The following JARID2 variants were observed in gnomAD, a reference collection of about 807,000 sequenced individuals.
JARID2 encodes protein Jumonji.
JARID2 carries 21 observed loss-of-function variants against 125.6 expected under a neutral mutation model. The ratio of observed to expected loss-of-function variants is 0.17; its 90% CI spans 0.12 to 0.24. JARID2 has a LOEUF of 0.24. Ranked by LOEUF, JARID2 falls within the 10% of genes least tolerant of loss-of-function variation. The probability of loss-of-function intolerance (pLI) is 1.00; values close to 1 mark genes in which losing one functional copy is unlikely to be tolerated. For missense variants in JARID2, 1,303 were observed against 1,639.6 expected (o/e 0.79, Z 3.55); for synonymous variants, 736 against 661.6 (o/e 1.11, Z -1.73).
At chr6:15,258,137 C>A (rs1360435590) in intron 1 of JARID2, among the ~76,000 whole-genome samples, 1 of 152,150 alleles carries the variant, frequency 6.6e-6, no homozygotes, top group Non-Finnish European at 1.5e-5. Context: ...TTACGAAGAT[C>A]CCTTTGGGCT....
At chr6:15,272,124 CAAAA>C (rs1209348491) in intron 1 of JARID2, among the ~76,000 whole-genome samples, 1 of 151,912 alleles carries the variant, frequency 6.6e-6, no homozygotes, top group African/African-American at 2.4e-5. Context: ...GACTCTGTCT[CAAAA>C]AAACGAAAAA....
chr6:15,489,191 G>T (rs2127720854), intron 6 of JARID2, among the ~76,000 whole-genome samples: 1 of 152,280 alleles, frequency 6.6e-6, no homozygotes, highest in Non-Finnish European at 1.5e-5. Context: ...GGGTTAAGTT[G>T]TTTTTGTTTA....
intron 1 of JARID2, among the ~76,000 whole-genome samples, chr6:15,335,514 T>C (rs1263328779): frequency 2.0e-5 from 3 of 152,198 alleles, no homozygotes; most frequent in Non-Finnish European, 4.4e-5. Flanking sequence ...TTTGACTGTT[T>C]TAGAAGTTCT....
At chr6:15,300,722 T>TGAGAGAGAGAGAGAGAGAGA (rs57766040) in intron 1 of JARID2, among the ~76,000 whole-genome samples, 32 of 111,198 alleles carry the variant, frequency 2.9e-4, no homozygotes, top group Admixed American at 6.1e-4. Context: ...TGTGTGTGTG[T>TGAGAGAGAGAGAGAGAGAGA]GAGAGAGAGA....
intron 1 of JARID2, among the ~76,000 whole-genome samples, chr6:15,355,998 C>T (rs563883328): frequency 2.0e-5 from 3 of 152,298 alleles, no homozygotes; most frequent in African/African-American, 7.2e-5. Context: ...TCCCAGCAAC[C>T]TCTGGCAGCC....
At chr6:15,401,510 G>C (rs895383178) in intron 2 of JARID2, among the ~76,000 whole-genome samples, 1 of 152,052 alleles carries the variant, frequency 6.6e-6, no homozygotes, top group African/African-American at 2.4e-5. Flanking sequence ...CCATAGCTCT[G>C]GTTTCCTTCA....
intron 6 of JARID2, among the ~76,000 whole-genome samples, chr6:15,494,736 C>T (rs1485381162): frequency 6.6e-6 from 1 of 152,180 alleles, no homozygotes; most frequent in African/African-American, 2.4e-5. Context: ...AAGGGGGGTC[C>T]TGGGCCAGGC....
chr6:15,438,956 C>T (rs1472394483), intron 3 of JARID2, among the ~76,000 whole-genome samples: 3 of 150,498 alleles, frequency 2.0e-5, no homozygotes, highest in Non-Finnish European at 2.9e-5. Flanking sequence ...CGCTTCAACC[C>T]GGAAGGGGGA....
intron 1 of JARID2, among the ~76,000 whole-genome samples, chr6:15,317,915 G>T (rs1762230400): frequency 6.6e-6 from 1 of 152,186 alleles, no homozygotes; most frequent in Non-Finnish European, 1.5e-5. Context: ...TGTGTTTGTT[G>T]CTGGCCAGCA....
At chr6:15,448,695 T>TG (rs1767782552) in intron 3 of JARID2, among the ~76,000 whole-genome samples, 1 of 152,102 alleles carries the variant, frequency 6.6e-6, no homozygotes, top group Non-Finnish European at 1.5e-5. Context: ...GAAAGCCTCA[T>TG]GGGAAAAGCA....
intron 5 of JARID2, among the ~76,000 whole-genome samples, chr6:15,479,170 A>C (rs1338774884): frequency 1.3e-5 from 2 of 152,068 alleles, no homozygotes; most frequent in Non-Finnish European, 2.9e-5. Flanking sequence ...CTTACCATTA[A>C]CGCAAACATT....
chr6:15,300,485 C>T (rs1380626662), intron 1 of JARID2, among the ~76,000 whole-genome samples: 2 of 152,120 alleles, frequency 1.3e-5, no homozygotes, highest in Non-Finnish European at 2.9e-5. Flanking sequence ...GTTGTGAGCT[C>T]ATTCAGAGTA....
intron 2 of JARID2, among the ~76,000 whole-genome samples, chr6:15,390,277 T>C (rs1297636147): frequency 3.3e-5 from 5 of 152,184 alleles, no homozygotes; most frequent in Non-Finnish European, 7.3e-5. Flanking sequence ...GCAGAGCCTA[T>C]AGCCACTTCT....
intron 1 of JARID2, chr6:15,247,475 T>A (rs1175194398): frequency 3.6e-5 from 35 of 983,982 alleles, no homozygotes; most frequent in Non-Finnish European, 3.9e-5. Flanking sequence ...ACCGAGGGAT[T>A]AACCAAATAT....
chr6:15,489,930 C>G (rs546867840), intron 6 of JARID2, among the ~76,000 whole-genome samples: 20 of 152,334 alleles, frequency 1.3e-4, no homozygotes, highest in Non-Finnish European at 2.2e-4. Flanking sequence ...TGGGTTGACC[C>G]ATGGCTCCAG....
chr6:15,363,276 C>A (rs937408444), intron 1 of JARID2, among the ~76,000 whole-genome samples: 1 of 152,206 alleles, frequency 6.6e-6, no homozygotes, highest in Admixed American at 6.5e-5. Flanking sequence ...ACCAGCACTT[C>A]TCACGTGTAA....
chr6:15,359,362 G>T (rs1281278000), intron 1 of JARID2, among the ~76,000 whole-genome samples: 1 of 152,184 alleles, frequency 6.6e-6, no homozygotes, highest in Non-Finnish European at 1.5e-5. Context: ...GTGGCATCCA[G>T]AGGTTGCTCT....
At chr6:15,266,433 G>A (rs996564900) in intron 1 of JARID2, among the ~76,000 whole-genome samples, 2 of 152,110 alleles carry the variant, frequency 1.3e-5, no homozygotes, top group Non-Finnish European at 2.9e-5. Flanking sequence ...AAGGAAAATA[G>A]CAAACCGTGA....
chr6:15,519,856 T>C (rs1330009489), intron 17 of JARID2, among the ~76,000 whole-genome samples: 3 of 151,932 alleles, frequency 2.0e-5, no homozygotes, highest in African/African-American at 7.3e-5. Context: ...TTGATGAGGA[T>C]GAAACGGCCA....
Sources: gnomAD v4.1 joint callset for allele counts (sites outside exome capture counted in the v4.1 genomes callset) on GRCh38, gnomAD v4.1.1 for gene constraint, MANE v1.5 for transcripts, NCBI Gene and HGNC (gene_info 2026-07-23, HGNC 2026-07-21) for gene names.